The following PTGR1 variants were observed in gnomAD, a reference collection of about 807,000 sequenced individuals.
The protein encoded by PTGR1 is 15-oxoprostaglandin 13-reductase.
A neutral mutation model predicts 37.7 loss-of-function variants in PTGR1; 23 were observed. The observed-to-expected ratio is 0.61, with a 90% CI of 0.44 to 0.86. The LOEUF (loss-of-function observed/expected upper bound fraction) is 0.86. PTGR1 is among the 40% of genes least tolerant of loss of function. PTGR1 has a pLI of 0.00. For missense variants in PTGR1, 351 were observed against 394.3 expected (o/e 0.89, Z 0.93); for synonymous variants, 134 against 140.0 (o/e 0.96, Z 0.30).
At chr9:111,597,884 T>C (rs1386859720) in intron 1 of PTGR1, among the ~76,000 whole-genome samples, 1 of 151,882 alleles carries the variant, frequency 6.6e-6, no homozygotes, top group Non-Finnish European at 1.5e-5. Context: ...ACCCAATAGA[T>C]AGAAGTCCAT....
intron 6 of PTGR1, among the ~76,000 whole-genome samples, chr9:111,582,675 TTTAC>T (rs1050847517): frequency 1.3e-5 from 2 of 152,240 alleles, no homozygotes; most frequent in African/African-American, 2.4e-5. Context: ...TTCCTATTTA[TTTAC>T]TTACTTAAAC....
At chr9:111,582,747 A>G (rs1235280821) in intron 6 of PTGR1, among the ~76,000 whole-genome samples, 2 of 152,244 alleles carry the variant, frequency 1.3e-5, no homozygotes, top group African/African-American at 2.4e-5. Flanking sequence ...TTCTATTAGC[A>G]CTGGAGACCA....
intron 9 of PTGR1, among the ~76,000 whole-genome samples, chr9:111,564,844 C>T (rs985966290): frequency 1.3e-5 from 2 of 151,976 alleles, no homozygotes; most frequent in African/African-American, 2.4e-5. Flanking sequence ...AATTAAGAGG[C>T]CGGGCGCAGT....
Position 111,564,342 on chromosome 9 carries a change from G to C in PTGR1, c.880-1111C>G, listed in dbSNP as rs534777217. 2,680 of 565,308 alleles carry C rather than the reference G, an allele frequency of 4.7e-3. 14 individuals are homozygous for C. The highest frequency in any genetic ancestry group is 5.9e-3 in the Non-Finnish European group (2,522 of 427,214). The allele number at this position is 565,308 out of a possible 1,614,324, so 35.0% of individuals were successfully genotyped here. ...TTATTCTGAGACAGGGTCTCACTCT[G>C]TCACCTAGGTTTGAGTGCAGTGGCA... On this transcript the variant is annotated intron_variant, in intron 9 of 9. Coordinates refer to ENST00000407693, the MANE Select transcript of PTGR1 (RefSeq NM_001146108.2).
chr9:111,587,544 C>A (rs562922219), intron 4 of PTGR1, among the ~76,000 whole-genome samples: 13 of 152,122 alleles, frequency 8.5e-5, no homozygotes, highest in Non-Finnish European at 1.9e-4. Context: ...CTCTGACTCC[C>A]GGGTTCAAGC....
intron 6 of PTGR1, among the ~76,000 whole-genome samples, chr9:111,580,157 A>G (rs1278067120): frequency 1.3e-5 from 2 of 152,160 alleles, no homozygotes; most frequent in African/African-American, 4.8e-5. Context: ...TAATTAATCT[A>G]TTAATTCTAT....
intron 2 of PTGR1, among the ~76,000 whole-genome samples, chr9:111,594,531 G>A (rs1356894314): frequency 1.3e-5 from 2 of 150,290 alleles, no homozygotes; most frequent in Admixed American, 6.6e-5. Context: ...AAGGCCTGAT[G>A]CCTTCGTTTT....
intron 9 of PTGR1, among the ~76,000 whole-genome samples, chr9:111,550,613 C>T (rs138041449): frequency 2.0e-5 from 3 of 152,168 alleles, no homozygotes; most frequent in Non-Finnish European, 2.9e-5. Context: ...AACTTTCTGC[C>T]GATGTAATTA....
At chr9:111,591,030 G>C (rs1829597202) in intron 4 of PTGR1, among the ~76,000 whole-genome samples, 2 of 152,118 alleles carry the variant, frequency 1.3e-5, no homozygotes, top group Admixed American at 6.5e-5. Context: ...GGTGGCTCAT[G>C]CCTGTAGTCC....
chr9:111,560,464 A>C (rs1589288172), downstream of PTGR1, among the ~76,000 whole-genome samples: 3 of 105,834 alleles, frequency 2.8e-5, no homozygotes, highest in Admixed American at 9.9e-5. Context: ...ACAGAGCGAG[A>C]CTCCATCTCA....
At chr9:111,561,950 A>G (rs1403122636), downstream of PTGR1, among the ~76,000 whole-genome samples, 1 of 150,276 alleles carries the variant, frequency 6.7e-6, no homozygotes, top group African/African-American at 2.4e-5. Flanking sequence ...CAATGGCACA[A>G]TATCGGCTCA....
intron 2 of PTGR1, 55 bp downstream of exon 2, chr9:111,597,262 A>T: frequency 7.4e-7 from 1 of 1,352,612 alleles, no homozygotes; most frequent in Non-Finnish European, 1.0e-6. Flanking sequence ...GTTATGCAGC[A>T]AAAGCTAACT....
intron 9 of PTGR1, among the ~76,000 whole-genome samples, chr9:111,568,987 C>T (rs1828694423): frequency 6.6e-6 from 1 of 152,152 alleles, no homozygotes; most frequent in Non-Finnish European, 1.5e-5. Flanking sequence ...TCAAAGATGA[C>T]CAAGGCTTTT....
At chr9:111,569,965 T>C (rs1320180967) in intron 9 of PTGR1, 126 bp downstream of exon 9, 2 of 1,443,234 alleles carry the variant, frequency 1.4e-6, no homozygotes, top group South Asian at 1.2e-5. Context: ...CTAAGCACAA[T>C]GACCCAATAG....
intron 4 of PTGR1, chr9:111,592,249 G>T (rs1297273346): frequency 6.6e-6 from 1 of 152,182 alleles, no homozygotes; most frequent in Non-Finnish European, 1.5e-5. Context: ...AACTGTTACT[G>T]CTGATTAATA....
intron 7 of PTGR1, 138 bp from the exon 8 acceptor site, chr9:111,574,980 G>A (rs1314576974): frequency 3.1e-6 from 2 of 647,654 alleles, no homozygotes; most frequent in Admixed American, 6.3e-5. Context: ...CAGTGCAGAA[G>A]ACTGCAGTTA....
chr9:111,574,489 C>T lies in PTGR1; in HGVS notation c.760+245G>A, dbSNP rs142262220. On this transcript the variant is annotated intron_variant, in intron 8 of 9. Coordinates refer to ENST00000407693, the MANE Select transcript of PTGR1 (RefSeq NM_001146108.2). ...TCAGCCTCTTGAGTAGCTGGGACTA[C>T]AGGTGTACACCACCACACCCAGCTT... The T allele has an allele frequency of 1.6e-3, 369 of 228,330 alleles. 2 individuals are homozygous for T. Among genetic ancestry groups the T allele is most frequent in the African/African-American group, 8.3e-3 (360 of 43,632 alleles). The allele number at this position is 228,330 out of a possible 1,614,324, so 14.1% of individuals were successfully genotyped here. A position where few individuals can be genotyped will look rare whatever the true frequency, so the allele number is the denominator to read the frequency against.
chr9:111,574,210 A>G (rs1467360008), intron 8 of PTGR1: 1 of 152,230 alleles, frequency 6.6e-6, no homozygotes, highest in Non-Finnish European at 1.5e-5. Flanking sequence ...GCATTAAATG[A>G]TAGGTAAAAA....
intron 3 of PTGR1, among the ~76,000 whole-genome samples, chr9:111,593,926 TTTTTCCTTC>T (rs1829697071): frequency 6.6e-6 from 1 of 151,638 alleles, no homozygotes; most frequent in African/African-American, 2.4e-5. Context: ...TAAGGTTTTT[TTTTTCCTTC>T]TTTTTTTTTT....
Sources: gnomAD v4.1 joint callset for allele counts (sites outside exome capture counted in the v4.1 genomes callset) on GRCh38, gnomAD v4.1.1 for gene constraint, MANE v1.5 for transcripts, NCBI Gene and HGNC (gene_info 2026-07-23, HGNC 2026-07-21) for gene names.